The following PTBP2 variants were observed in gnomAD, a reference collection of about 807,000 sequenced individuals.
PTBP2 encodes polypyrimidine tract binding protein 2.
PTBP2 carries 13 observed loss-of-function variants against 61.4 expected under a neutral mutation model. The observed-to-expected ratio is 0.21, with a 90% CI of 0.14 to 0.34. PTBP2 has a LOEUF of 0.34. PTBP2 is among the 10% of genes least tolerant of loss of function. PTBP2 has a pLI of 1.00. For missense variants in PTBP2, 405 were observed against 642.6 expected (o/e 0.63, Z 4.00); for synonymous variants, 215 against 218.5 (o/e 0.98, Z 0.14).
intron 8 of PTBP2, among the ~76,000 whole-genome samples, chr1:96,793,277 T>C (rs184327105): frequency 1.3e-5 from 2 of 152,212 alleles, no homozygotes; most frequent in African/African-American, 4.8e-5. Flanking sequence ...ATTTTTAAAA[T>C]GTTAATTTTG....
chr1:96,756,865 C>G (rs1368269906), intron 3 of PTBP2, among the ~76,000 whole-genome samples: 1 of 152,120 alleles, frequency 6.6e-6, no homozygotes, highest in African/African-American at 2.4e-5. Flanking sequence ...AGATACATGT[C>G]ATACATTTTT....
At chr1:96,779,592 T>C (rs981127922) in intron 7 of PTBP2, among the ~76,000 whole-genome samples, 1 of 152,100 alleles carries the variant, frequency 6.6e-6, no homozygotes, top group African/African-American at 2.4e-5. Context: ...AACTATGATA[T>C]TGATGTTTGT....
intron 2 of PTBP2, among the ~76,000 whole-genome samples, chr1:96,727,310 A>G (rs546987679): frequency 6.9e-4 from 105 of 152,162 alleles, no homozygotes; most frequent in African/African-American, 2.5e-3. Flanking sequence ...CTTGAGGGAC[A>G]TTTGTATTGT....
At chr1:96,808,250 A>T (rs1016315355) in intron 11 of PTBP2, among the ~76,000 whole-genome samples, 1 of 151,964 alleles carries the variant, frequency 6.6e-6, no homozygotes, top group African/African-American at 2.4e-5. Context: ...AATACCATAG[A>T]CTGAGTAGAT....
intron 2 of PTBP2, among the ~76,000 whole-genome samples, chr1:96,740,919 A>G (rs1021175670): frequency 6.6e-6 from 1 of 151,910 alleles, no homozygotes; most frequent in South Asian, 2.1e-4. Context: ...TGCTACTGTA[A>G]GCATTAATAT....
intron 2 of PTBP2, among the ~76,000 whole-genome samples, chr1:96,726,520 C>G (rs548399024): frequency 1.3e-5 from 2 of 152,102 alleles, no homozygotes; most frequent in East Asian, 3.9e-4. Flanking sequence ...TCACTGCAAC[C>G]TCTGCCTCCT....
At chr1:96,763,749 A>G (rs1656327259) in intron 3 of PTBP2, among the ~76,000 whole-genome samples, 1 of 152,202 alleles carries the variant, frequency 6.6e-6, no homozygotes, top group African/African-American at 2.4e-5. Context: ...TTGTTTTAAT[A>G]CAAGAAGTCA....
chr1:96,802,785 G>A (rs1028517511), intron 8 of PTBP2, among the ~76,000 whole-genome samples: 3 of 152,158 alleles, frequency 2.0e-5, no homozygotes, highest in Non-Finnish European at 2.9e-5. Context: ...TTCCTAAAAG[G>A]TAGCTAACTA....
At chr1:96,749,886 G>A (rs758980425) in intron 2 of PTBP2, among the ~76,000 whole-genome samples, 1 of 152,054 alleles carries the variant, frequency 6.6e-6, no homozygotes, top group Admixed American at 6.6e-5. Flanking sequence ...GAATGATTAA[G>A]TACTGTTACC....
At chr1:96,751,368 A>T in intron 2 of PTBP2, 57 bp from the exon 3 acceptor site, 1 of 1,287,542 alleles carries the variant, frequency 7.8e-7, no homozygotes, top group Non-Finnish European at 1.1e-6. Context: ...AAAGGCTTTT[A>T]GATTAATATT....
intron 3 of PTBP2, among the ~76,000 whole-genome samples, chr1:96,766,203 A>C (rs1656685586): frequency 6.6e-6 from 1 of 152,220 alleles, no homozygotes; most frequent in Non-Finnish European, 1.5e-5. Context: ...TTTGCTTTGA[A>C]TCCGTGATTA....
At chr1:96,806,558 T>C in intron 10 of PTBP2, 106 bp downstream of exon 10, 1 of 1,284,730 alleles carries the variant, frequency 7.8e-7, no homozygotes, top group Non-Finnish European at 1.1e-6. Flanking sequence ...AGTAAATCTT[T>C]TGCTATTTTT....
At chr1:96,786,970 A>AT (rs1659274384) in intron 8 of PTBP2, among the ~76,000 whole-genome samples, 1 of 152,056 alleles carries the variant, frequency 6.6e-6, no homozygotes, top group African/African-American at 2.4e-5. Flanking sequence ...ATTTATCACC[A>AT]TTTTTCTTGT....
chr1:96,760,554 T>C (rs1393637744), intron 3 of PTBP2, among the ~76,000 whole-genome samples: 2 of 149,160 alleles, frequency 1.3e-5, no homozygotes, highest in Non-Finnish European at 3.0e-5. Context: ...CAAGCGATTC[T>C]CCTGCCTCAG....
At chr1:96,790,093 C>T (rs1029321784) in intron 8 of PTBP2, among the ~76,000 whole-genome samples, 1 of 152,136 alleles carries the variant, frequency 6.6e-6, no homozygotes, top group African/African-American at 2.4e-5. Context: ...CTCTCCCTCT[C>T]TCTACTCCCA....
intron 2 of PTBP2, among the ~76,000 whole-genome samples, chr1:96,723,895 A>G (rs1649998848): frequency 6.6e-6 from 1 of 152,250 alleles, no homozygotes; most frequent in Non-Finnish European, 1.5e-5. Context: ...AGGGGAAATA[A>G]TGATTTTAAA....
In PTBP2 at chr1:96,743,783, A is replaced by G. The variant is rs145628986; in HGVS notation, c.40-7642A>G. On this transcript the variant is annotated intron_variant, in intron 2 of 13. Transcript: ENST00000674951. ...TAACATTTATTTTCTAGTGTATTGC[A>G]GTAATCATTCTTCTTTTTTTTAAAT... 2.9e-3 allele frequency among the ~76,000 whole-genome samples: 439 copies of G among 152,276 alleles called. 1 individual carries two copies. The highest frequency in any genetic ancestry group is 0.01 in the African/African-American group (416 of 41,542).
intron 5 of PTBP2, among the ~76,000 whole-genome samples, chr1:96,772,617 A>C (rs34940124): frequency 0.27 from 40,674 of 151,828 alleles, 6,800 homozygotes; most frequent in East Asian, 0.46. Context: ...TCTACTCTCT[A>C]CTAATGTGAG....
chr1:96,756,162 G>A (rs539865205), intron 3 of PTBP2, among the ~76,000 whole-genome samples: 2 of 152,218 alleles, frequency 1.3e-5, no homozygotes, highest in Non-Finnish European at 2.9e-5. Context: ...GCTTTGGGAA[G>A]CCAAGGCAGG....
Sources: gnomAD v4.1 joint callset for allele counts (sites outside exome capture counted in the v4.1 genomes callset) on GRCh38, gnomAD v4.1.1 for gene constraint, MANE v1.5 for transcripts, NCBI Gene and HGNC (gene_info 2026-07-23, HGNC 2026-07-21) for gene names.